The following RAB13 variants were observed in gnomAD, a reference collection of about 807,000 sequenced individuals.
RAB13 encodes the protein ras-related protein Rab-13.
In RAB13, 15 loss-of-function variants were observed where a neutral mutation model predicts 29.3. The observed-to-expected ratio is 0.51, with a 90% CI of 0.34 to 0.79. The LOEUF is 0.79. RAB13 is among the 30% of genes least tolerant of loss of function. The pLI, the probability that RAB13 is intolerant of heterozygous loss-of-function variation, is 0.01. For synonymous variants in RAB13, 82 were observed against 93.8 expected (o/e 0.87, Z 0.73); for missense variants, 186 against 255.5 (o/e 0.73, Z 1.85).
At chr1:153,989,631 G>T (rs1649293431), upstream of RAB13, among the ~76,000 whole-genome samples, 1 of 151,864 alleles carries the variant, frequency 6.6e-6, no homozygotes, top group Non-Finnish European at 1.5e-5. Context: ...GGTGTCTCAC[G>T]CCTGTATTCT....
In RAB13 at chr1:153,982,073, C is replaced by A; in HGVS notation, c.*26G>T. 1 of 1,602,978 alleles carries A rather than the reference C, an allele frequency of 6.2e-7. No homozygotes were observed. Among genetic ancestry groups the A allele is most frequent in the Non-Finnish European group, 8.5e-7 (1 of 1,170,722 alleles). ...CGTTGTCTCCCTCAGGTTCAGCTTC[C>A]GGGGTGGGGAGGCAAGAAAGGGTCC... On this transcript the variant is annotated 3_prime_UTR_variant, in exon 8 of 8. Coordinates refer to ENST00000368575, the MANE Select transcript of RAB13 (RefSeq NM_002870.5).
intron 4 of RAB13, 47 bp downstream of exon 4, chr1:153,983,172 T>C: frequency 6.6e-7 from 1 of 1,525,244 alleles, no homozygotes; most frequent in Non-Finnish European, 9.1e-7. Context: ...ACCCCTTCAT[T>C]CTCCAGGTTC....
chr1:153,986,416 C>G (rs1649172497), upstream of RAB13: 6 of 605,858 alleles, frequency 9.9e-6, no homozygotes, highest in African/African-American at 1.9e-5. Flanking sequence ...CCCTGCCCGC[C>G]CACCCTTTTG....
chr1:153,984,894 G>C lies in RAB13; in HGVS notation c.125-113C>G, dbSNP rs185858922. ...TGGCACCAGAAATTCTGCAGGGGAG[G>C]CACTTGGGGAACAATCTTGTTGGAA... On this transcript the variant is annotated intron_variant, in intron 1 of 7. Coordinates refer to ENST00000368575, the MANE Select transcript of RAB13 (RefSeq NM_002870.5). 7.9e-5 allele frequency: 111 copies of C among 1,405,134 alleles called. 1 individual carries two copies. In the African/African-American group the frequency reaches 1.6e-3, roughly 20 times the overall value. The allele number at this position is 1,405,134 out of a possible 1,614,324, so 87.0% of individuals were successfully genotyped here.
chr1:153,987,601 A>ATG (rs895981863), upstream of RAB13, among the ~76,000 whole-genome samples: 1 of 151,366 alleles, frequency 6.6e-6, no homozygotes, highest in African/African-American at 2.4e-5. Flanking sequence ...TTCTTGCTAT[A>ATG]TGTGTGCTGG....
upstream of RAB13, chr1:153,990,677 A>G (rs903107366): frequency 2.0e-5 from 28 of 1,376,792 alleles, no homozygotes; most frequent in Admixed American, 3.4e-5. Flanking sequence ...GATCAAAGTA[A>G]GACGTTCCAA....
At position 153,986,315 on chromosome 1, in the gene RAB13, G is replaced by A. The variant is rs1649169080; in HGVS notation, c.-79C>T. ...CGGGACTGGACGGTTGGCAAACAGA[G>A]CGGCACGGAGCCCAGGCCAGGAAGA... On this transcript the variant is annotated 5_prime_UTR_variant, in exon 1 of 8. Transcript: ENST00000368575. 1 of 1,199,046 alleles carries A rather than the reference G, an allele frequency of 8.3e-7. No individual in the cohort carries two copies. The highest frequency in any genetic ancestry group is 1.2e-6 in the Non-Finnish European group (1 of 826,556). 74.3% of individuals were successfully genotyped at this position (1,199,046 alleles called of 1,614,324 possible). A position where few individuals can be genotyped will look rare whatever the true frequency, so the allele number is the denominator to read the frequency against.
At chr1:153,982,686 C>T in intron 5 of RAB13, 33 bp downstream of exon 5, 1 of 1,613,532 alleles carries the variant, frequency 6.2e-7, no homozygotes, top group Non-Finnish European at 8.5e-7. Flanking sequence ...CCTCCCAGCC[C>T]AGTTCTAGAA....
intron 1 of RAB13, among the ~76,000 whole-genome samples, chr1:153,985,694 T>G (rs1482128449): frequency 6.6e-6 from 1 of 151,140 alleles, no homozygotes; most frequent in Non-Finnish European, 1.5e-5. Context: ...GTGGGAGAGT[T>G]TGAAGCTCAG....
Position 153,982,398 on chromosome 1 carries a change from C to A in RAB13, c.527G>T (p.Arg176Leu), listed in dbSNP as rs774857336. The change falls in exon 7 of 8, where the codon CGG becomes CTG. Residue 176 changes from arginine (R) to leucine (L), a missense_variant. Transcript: ENST00000368575. The part of the protein sequence containing the change: ...ARDILLKSGG[R>L]RSGNGNKPPS... ...CCAGCAAAACCAACTTACTGATCTCCGGCCTCCTGACTTGAGCAAGATGTC... is the reference window on the plus strand; with the variant it reads ...CCAGCAAAACCAACTTACTGATCTCAGGCCTCCTGACTTGAGCAAGATGTC... 6.2e-7 allele frequency: 1 copy of A among 1,613,258 alleles called. No homozygotes were observed. Among genetic ancestry groups the A allele is most frequent in the Non-Finnish European group, 8.5e-7 (1 of 1,179,544 alleles).
chr1:153,990,115 A>T (rs967233721), upstream of RAB13, among the ~76,000 whole-genome samples: 1 of 152,116 alleles, frequency 6.6e-6, no homozygotes, highest in African/African-American at 2.4e-5. Context: ...TTGTTCTGTC[A>T]CCCAGGCTGG....
chr1:153,984,254 C>G (rs1649092916), intron 2 of RAB13, among the ~76,000 whole-genome samples: 1 of 149,922 alleles, frequency 6.7e-6, no homozygotes, highest in Non-Finnish European at 1.5e-5. Flanking sequence ...CAGGAGATAA[C>G]TAAAAGAACC....
chr1:153,983,016 T>G, intron 4 of RAB13: 1 of 723,362 alleles, frequency 1.4e-6, no homozygotes, highest in Non-Finnish European at 2.4e-6. Flanking sequence ...TCCCAGCTAC[T>G]TGGGAGGCTG....
upstream of RAB13, among the ~76,000 whole-genome samples, chr1:153,986,850 T>A (rs1044874689): frequency 3.3e-5 from 5 of 152,146 alleles, no homozygotes; most frequent in Non-Finnish European, 7.3e-5. Context: ...TGGGTCCCAA[T>A]TCACTTTGAA....
rs1459948166 is a variant in RAB13 at position 153,982,458 on chromosome 1, C to G, written c.481-14G>C. The G allele has an allele frequency of 3.7e-6, 6 of 1,613,328 alleles. No individual in the cohort carries two copies. The highest frequency in any genetic ancestry group is 4.2e-6 in the Non-Finnish European group (5 of 1,179,278). On this transcript the variant is annotated splice_polypyrimidine_tract_variant and intron_variant, in intron 6 of 7. Coordinates refer to ENST00000368575, the MANE Select transcript of RAB13 (RefSeq NM_002870.5). The stretch of plus-strand genomic sequence containing the variant: ...GGAACTAAAAGCCTAAAGTGGGGAA[C>G]AGAGTCAGTTTGGAGGGAGGAGAAT...
chr1:153,987,104 C>T (rs1436270641), upstream of RAB13, among the ~76,000 whole-genome samples: 9 of 152,178 alleles, frequency 5.9e-5, no homozygotes, highest in Non-Finnish European at 1.2e-4. Context: ...TTACGTGAAT[C>T]TTTTAATATG....
upstream of RAB13, chr1:153,990,656 C>G: frequency 9.0e-7 from 1 of 1,106,058 alleles, no homozygotes; most frequent in East Asian, 2.4e-5. Flanking sequence ...CCTTGTCTCC[C>G]CACTGCGGCG....
chr1:153,987,853 GACAGAAGTGGGCAGA>G (rs1413659023), upstream of RAB13, among the ~76,000 whole-genome samples: 2 of 151,562 alleles, frequency 1.3e-5, no homozygotes, highest in Non-Finnish European at 2.9e-5. Context: ...CTACTTGGGG[GACAGAAGTGGGCAGA>G]ACACTTGAGC....
At chr1:153,988,239 G>A (rs1257844576), upstream of RAB13, among the ~76,000 whole-genome samples, 4 of 150,420 alleles carry the variant, frequency 2.7e-5, no homozygotes, top group Non-Finnish European at 5.9e-5. Context: ...TGATCCGCCC[G>A]CCTCGGCCTC....
Sources: gnomAD v4.1 joint callset for allele counts (sites outside exome capture counted in the v4.1 genomes callset) on GRCh38, gnomAD v4.1.1 for gene constraint, MANE v1.5 for transcripts, NCBI Gene and HGNC (gene_info 2026-07-23, HGNC 2026-07-21) for gene names.